MYOM2: variants seen among roughly 807,000 people sequenced by gnomAD.
The protein encoded by MYOM2 is myomesin 2.
MYOM2 carries 254 observed loss-of-function variants against 187.6 expected under a neutral mutation model. The ratio of observed to expected loss-of-function variants is 1.35; its 90% confidence interval spans 1.22 to 1.50. The LOEUF is 1.50. Ranked by LOEUF, MYOM2 falls within the 40% of genes most tolerant of loss-of-function variation. The pLI, the probability that MYOM2 is intolerant of heterozygous loss-of-function variation, is 0.00. For synonymous variants in MYOM2, 981 were observed against 753.8 expected, an observed-to-expected ratio of 1.30 and a Z score of -4.94; for missense variants, 2,796 against 1,924.0, an observed-to-expected ratio of 1.45 and a Z score of -8.48.
intron 31 of MYOM2, among the ~76,000 whole-genome samples, chr8:2,127,100 G>T (rs945809918): frequency 6.6e-6 from 1 of 151,876 alleles, no homozygotes; most frequent in African/African-American, 2.4e-5. Flanking sequence ...GGTGGTGTTG[G>T]TCTCATGAGT....
intron 31 of MYOM2, among the ~76,000 whole-genome samples, chr8:2,126,204 T>C (rs933339505): frequency 4.6e-5 from 7 of 152,158 alleles, no homozygotes; most frequent in African/African-American, 1.7e-4. Context: ...ACATGCACAT[T>C]ATGTTGGGAG....
intron 31 of MYOM2, among the ~76,000 whole-genome samples, 170 bp from the exon 32 acceptor site, chr8:2,128,957 A>C (rs1797753854): frequency 6.6e-6 from 1 of 152,152 alleles, no homozygotes; most frequent in South Asian, 2.1e-4. Context: ...TAATGAATGG[A>C]GACAGCATGG....
intron 15 of MYOM2, among the ~76,000 whole-genome samples, chr8:2,091,139 T>A (rs1163313183): frequency 6.6e-6 from 1 of 151,348 alleles, no homozygotes; most frequent in Non-Finnish European, 1.5e-5. Flanking sequence ...ATGGTCACTT[T>A]TAAAGTAATT....
At chr8:2,142,423 G>C (rs367858488) in intron 35 of MYOM2, 26 bp downstream of exon 35, 415 of 1,612,592 alleles carry the variant, frequency 2.6e-4, no homozygotes, top group Non-Finnish European at 3.3e-4. Flanking sequence ...ATTGTAACCA[G>C]GATGGTGAAT....
At position 2,108,779 on chromosome 8, in the gene MYOM2, G is replaced by A. The variant is rs368299684; in HGVS notation, c.2999-7G>A. 4.8e-5 allele frequency: 77 copies of A among 1,613,448 alleles called. No individual in the cohort carries two copies. Among genetic ancestry groups the A allele is most frequent in the Non-Finnish European group, 5.8e-5 (68 of 1,179,790 alleles). On this transcript the variant is annotated splice_region_variant and splice_polypyrimidine_tract_variant and intron_variant, in intron 23 of 36. Coordinates refer to ENST00000262113, the MANE Select transcript of MYOM2 (RefSeq NM_003970.4). Reference sequence around the variant, plus strand: ...AGATGAATTGAAATACTTTTTCTTCGTTTTAGAGCTCGAGCGTTTGATGGC... The same window carrying A: ...AGATGAATTGAAATACTTTTTCTTCATTTTAGAGCTCGAGCGTTTGATGGC...
Position 2,089,961 on chromosome 8 carries a change from GA to G in MYOM2, c.1645-46del, listed in dbSNP as rs778259474. On this transcript the variant is annotated intron_variant, in intron 14 of 36. Transcript: ENST00000262113. Reference sequence around the variant, plus strand: ...TCTTCCTCCTCCACACGCCTCTGGGGACCTCGCGGTTTTCACTGCCAGTCTC... The same window carrying G: ...TCTTCCTCCTCCACACGCCTCTGGGGCCTCGCGGTTTTCACTGCCAGTCTC... 7 of 1,593,794 alleles carry G rather than the reference GA, an allele frequency of 4.4e-6. No individual in the cohort carries two copies. In the South Asian group the frequency reaches 7.8e-5, roughly 18 times the overall value.
intron 1 of MYOM2, among the ~76,000 whole-genome samples, chr8:2,046,751 CTTT>C (rs574408692): frequency 2.9e-5 from 4 of 139,506 alleles, no homozygotes; most frequent in South Asian, 2.3e-4. Context: ...TTTCTTTTTT[CTTT>C]TTTTTTTTTT....
chr8:2,060,411 A>T (rs1042175206), intron 6 of MYOM2, among the ~76,000 whole-genome samples: 1 of 152,138 alleles, frequency 6.6e-6, no homozygotes, highest in Non-Finnish European at 1.5e-5. Context: ...TGTTGTGTTT[A>T]TATATGTTTA....
intron 12 of MYOM2, 34 bp from the exon 13 acceptor site, chr8:2,079,526 A>G (rs763395385): frequency 2.5e-6 from 4 of 1,611,572 alleles, no homozygotes; most frequent in Non-Finnish European, 3.4e-6. Context: ...AAAACTTCGC[A>G]TGTCAAATCG....
chr8:2,100,129 T>TTTCCTTCCTTCC (rs71211554), intron 19 of MYOM2, among the ~76,000 whole-genome samples: 539 of 45,320 alleles, frequency 0.012, 10 homozygotes, highest in African/African-American at 0.015. Flanking sequence ...TCCTTCCTTC[T>TTTCCTTCCTTCC]TTCCTTCCTT....
At chr8:2,104,595 A>C (rs112104692) in intron 21 of MYOM2, among the ~76,000 whole-genome samples, 13,120 of 150,362 alleles carry the variant, frequency 0.087, 668 homozygotes, top group South Asian at 0.16. Context: ...ACGGAGCAAG[A>C]CTCCATTTAA....
intron 34 of MYOM2, 42 bp from the exon 35 acceptor site, chr8:2,142,333 C>T (rs1798301573): frequency 6.2e-7 from 1 of 1,602,228 alleles, no homozygotes; most frequent in East Asian, 2.2e-5. Flanking sequence ...TTTTCTCATA[C>T]TCTCTTTTCA....
At chr8:2,129,761 C>G (rs1246632231) in intron 32 of MYOM2, among the ~76,000 whole-genome samples, 1 of 152,168 alleles carries the variant, frequency 6.6e-6, no homozygotes, top group Non-Finnish European at 1.5e-5. Context: ...TCTCATGCAA[C>G]CCATAGCACT....
intron 6 of MYOM2, among the ~76,000 whole-genome samples, chr8:2,065,922 C>T (rs1424935222): frequency 6.6e-6 from 1 of 152,210 alleles, no homozygotes; most frequent in East Asian, 1.9e-4. Flanking sequence ...AAATGTGCAG[C>T]ACACGGGGGA....
intron 10 of MYOM2, 143 bp from the exon 11 acceptor site, chr8:2,075,998 A>C: frequency 1.5e-6 from 1 of 676,278 alleles, no homozygotes; most frequent in Non-Finnish European, 2.2e-6. Flanking sequence ...AGAGTAAGAA[A>C]TATTCTAGTA....
chr8:2,120,696 A>ATTTATAATATATATAT (rs1491564842), intron 28 of MYOM2, among the ~76,000 whole-genome samples: 2 of 84,008 alleles, frequency 2.4e-5, no homozygotes, highest in Non-Finnish European at 4.6e-5. Flanking sequence ...ATAAATATAT[A>ATTTATAATATATATAT]ATATATATAT....
intron 30 of MYOM2, 150 bp from the exon 31 acceptor site, chr8:2,124,029 T>C (rs1797548299): frequency 1.3e-6 from 1 of 776,266 alleles, no homozygotes; most frequent in Non-Finnish European, 2.1e-6. Flanking sequence ...ATCGCACACA[T>C]AAGTCTTTTA....
chr8:2,093,301 C>T (rs1393977428), intron 16 of MYOM2, among the ~76,000 whole-genome samples: 1 of 152,104 alleles, frequency 6.6e-6, no homozygotes, highest in Admixed American at 6.5e-5. Flanking sequence ...GAATAAGAAA[C>T]TTAAAACATG....
intron 16 of MYOM2, among the ~76,000 whole-genome samples, chr8:2,093,168 C>T (rs893595687): frequency 6.6e-6 from 1 of 152,118 alleles, no homozygotes; most frequent in Non-Finnish European, 1.5e-5. Context: ...TCAGCCATTT[C>T]TCCTTTTAAA....
Sources: gnomAD v4.1 joint callset for allele counts (sites outside exome capture counted in the v4.1 genomes callset) on GRCh38, gnomAD v4.1.1 for gene constraint, MANE v1.5 for transcripts, NCBI Gene and HGNC (gene_info 2026-07-23, HGNC 2026-07-21) for gene names.